ROBO1: variants seen among roughly 807,000 people sequenced by gnomAD.
The protein encoded by ROBO1 is roundabout homolog 1.
In ROBO1, 149 loss-of-function variants were observed where a neutral mutation model predicts 195.9. The observed-to-expected ratio is 0.76, with a 90% confidence interval of 0.67 to 0.87. The LOEUF (loss-of-function observed/expected upper bound fraction) is 0.87. ROBO1 is among the 40% of genes least tolerant of loss of function. ROBO1 has a pLI of 0.00. For missense variants in ROBO1, 1,933 were observed against 2,068.3 expected (o/e 0.93, Z 1.27); for synonymous variants, 816 against 733.2 (o/e 1.11, Z -1.82).
intron 2 of ROBO1, among the ~76,000 whole-genome samples, chr3:79,206,258 T>A (rs1180343279): frequency 6.6e-6 from 1 of 152,134 alleles, no homozygotes; most frequent in Non-Finnish European, 1.5e-5. Context: ...GTACTTGTTT[T>A]CAAGTAATCA....
intron 5 of ROBO1, among the ~76,000 whole-genome samples, chr3:78,732,473 A>C (rs6789184): frequency 0.028 from 4,207 of 152,248 alleles, 179 homozygotes; most frequent in African/African-American, 0.095. Flanking sequence ...TAATGTTGTA[A>C]GGTAAATATC....
intron 4 of ROBO1, among the ~76,000 whole-genome samples, chr3:78,907,369 A>T (rs1050774044): frequency 6.6e-6 from 1 of 152,134 alleles, no homozygotes; most frequent in Non-Finnish European, 1.5e-5. Flanking sequence ...AAGATGTGGA[A>T]TTATACAAGT....
chr3:79,597,889 A>G (rs942291944), intron 1 of ROBO1, among the ~76,000 whole-genome samples: 3 of 152,186 alleles, frequency 2.0e-5, no homozygotes. Flanking sequence ...AATTGGCAAG[A>G]TTCTCTAATT....
At chr3:79,681,004 T>C (rs569345903) in intron 1 of ROBO1, among the ~76,000 whole-genome samples, 6 of 152,008 alleles carry the variant, frequency 3.9e-5, no homozygotes, top group African/African-American at 1.4e-4. Context: ...AAGGAAGATC[T>C]TTGGAAAAAA....
At chr3:79,283,708 T>C (rs1008774199) in intron 2 of ROBO1, among the ~76,000 whole-genome samples, 2 of 151,818 alleles carry the variant, frequency 1.3e-5, no homozygotes, top group Non-Finnish European at 2.9e-5. Flanking sequence ...TTCTTTTTTT[T>C]TTTTTTTGAG....
At chr3:78,611,824 C>G (rs976577671) in intron 28 of ROBO1, among the ~76,000 whole-genome samples, 2 of 152,168 alleles carry the variant, frequency 1.3e-5, no homozygotes, top group Non-Finnish European at 2.9e-5. Context: ...GAGATTAGGA[C>G]ACACACATAC....
At chr3:79,339,819 A>G (rs1023614688) in intron 2 of ROBO1, among the ~76,000 whole-genome samples, 1 of 152,232 alleles carries the variant, frequency 6.6e-6, no homozygotes, top group Non-Finnish European at 1.5e-5. Context: ...TAGTGAATAC[A>G]TAAGTAAAAG....
chr3:79,608,052 A>C (rs1454332709), intron 1 of ROBO1, among the ~76,000 whole-genome samples: 4 of 152,056 alleles, frequency 2.6e-5, no homozygotes, highest in African/African-American at 9.7e-5. Context: ...TATGAGTTTT[A>C]TTCTTTACAA....
chr3:79,412,576 TTAGATG>T (rs1379932416), intron 2 of ROBO1, among the ~76,000 whole-genome samples: 1 of 152,098 alleles, frequency 6.6e-6, no homozygotes, highest in Non-Finnish European at 1.5e-5. Flanking sequence ...GGAGAAAGGA[TTAGATG>T]TATAAATATC....
intron 3 of ROBO1, among the ~76,000 whole-genome samples, chr3:79,074,457 G>C (rs978728903): frequency 2.6e-5 from 4 of 151,818 alleles, no homozygotes; most frequent in Non-Finnish European, 4.4e-5. Context: ...TGGGGTTTCT[G>C]TTGCCTAGCT....
intron 1 of ROBO1, among the ~76,000 whole-genome samples, chr3:79,698,962 A>G (rs1947528638): frequency 6.6e-6 from 1 of 151,450 alleles, no homozygotes; most frequent in African/African-American, 2.4e-5. Context: ...ATGAAAGTTT[A>G]ATACAGGTCT....
chr3:79,471,447 T>C (rs1938264466), intron 2 of ROBO1, among the ~76,000 whole-genome samples: 1 of 152,128 alleles, frequency 6.6e-6, no homozygotes, highest in Non-Finnish European at 1.5e-5. Flanking sequence ...ATCAGATATA[T>C]TATGAATTCA....
intron 2 of ROBO1, among the ~76,000 whole-genome samples, chr3:79,320,226 G>T (rs545949250): frequency 1.3e-5 from 2 of 152,138 alleles, no homozygotes; most frequent in African/African-American, 4.8e-5. Flanking sequence ...ATGCTTGCAC[G>T]GTGGAGTATG....
chr3:78,930,127 A>G (rs111269193), intron 4 of ROBO1, among the ~76,000 whole-genome samples: 19 of 152,300 alleles, frequency 1.2e-4, no homozygotes, highest in African/African-American at 4.6e-4. Flanking sequence ...GTAGTGTTTG[A>G]GAGCAGGCAA....
intron 2 of ROBO1, among the ~76,000 whole-genome samples, chr3:79,587,508 T>C (rs1008568042): frequency 4.6e-5 from 7 of 151,832 alleles, no homozygotes; most frequent in African/African-American, 1.7e-4. Context: ...GTTACATTTT[T>C]TTCATTTGTC....
chr3:79,305,487 C>CAAAAAAA (rs755731665), intron 2 of ROBO1, among the ~76,000 whole-genome samples: 2 of 55,676 alleles, frequency 3.6e-5, no homozygotes, highest in African/African-American at 6.3e-5. Context: ...AACTCCATCT[C>CAAAAAAA]AAAAAAAAAA....
intron 3 of ROBO1, among the ~76,000 whole-genome samples, chr3:79,021,850 C>G (rs931931237): frequency 6.6e-6 from 1 of 151,960 alleles, no homozygotes; most frequent in African/African-American, 2.4e-5. Context: ...TTAGTAGAGA[C>G]GGGGTTTCAC....
At chr3:78,711,355 CT>C (rs1559772826) in intron 8 of ROBO1, among the ~76,000 whole-genome samples, 4 of 35,644 alleles carry the variant, frequency 1.1e-4, no homozygotes, top group Admixed American at 6.0e-4. Flanking sequence ...TTCCTCCTTC[CT>C]TCCTTCCTTC....
intron 2 of ROBO1, among the ~76,000 whole-genome samples, chr3:79,184,499 A>G (rs1320878166): frequency 2.0e-5 from 3 of 152,184 alleles, no homozygotes; most frequent in Non-Finnish European, 2.9e-5. Context: ...GCAAGAAAGC[A>G]CTACTCAATG....
Sources: gnomAD v4.1 joint callset for allele counts (sites outside exome capture counted in the v4.1 genomes callset) on GRCh38, gnomAD v4.1.1 for gene constraint, MANE v1.5 for transcripts, NCBI Gene and HGNC (gene_info 2026-07-23, HGNC 2026-07-21) for gene names.